The following PRKCA variants were observed in gnomAD, a reference collection of about 807,000 sequenced individuals.
The protein encoded by PRKCA is protein kinase C alpha, also known as protein kinase C alpha type.
In PRKCA, 27 loss-of-function variants were observed where a neutral mutation model predicts 87.0. The ratio of observed to expected loss-of-function variants is 0.31; its 90% CI spans 0.23 to 0.43. The LOEUF is 0.43. Among genes scored for constraint, PRKCA ranks in the 20% least tolerant of loss-of-function variants. PRKCA has a pLI of 1.00. For synonymous variants in PRKCA, 329 were observed against 311.1 expected (o/e 1.06, Z -0.61); for missense variants, 518 against 852.3 (o/e 0.61, Z 4.88).
At chr17:66,641,035 G>GTA in intron 3 of PRKCA, 1 of 312,352 alleles carries the variant, frequency 3.2e-6, no homozygotes, top group South Asian at 3.1e-5. Context: ...GTGGATGCCT[G>GTA]TAATCCCAGT....
intron 3 of PRKCA, among the ~76,000 whole-genome samples, chr17:66,562,941 T>C (rs1490794082): frequency 1.3e-5 from 2 of 152,194 alleles, no homozygotes; most frequent in Non-Finnish European, 2.9e-5. Context: ...TATTATTATT[T>C]GGAAGGGAAT....
intron 3 of PRKCA, among the ~76,000 whole-genome samples, chr17:66,577,626 GCT>G (rs1969280251): frequency 1.3e-5 from 2 of 152,176 alleles, no homozygotes; most frequent in African/African-American, 2.4e-5. Context: ...TTGGAGATCT[GCT>G]CTGTTTCTAG....
intron 8 of PRKCA, among the ~76,000 whole-genome samples, chr17:66,723,662 AG>A (rs1401136988): frequency 6.6e-6 from 1 of 151,324 alleles, no homozygotes; most frequent in East Asian, 1.9e-4. Flanking sequence ...GATGACGACC[AG>A]GGTGGAGGGA....
At chr17:66,544,679 A>G (rs1053971849) in intron 3 of PRKCA, among the ~76,000 whole-genome samples, 4 of 151,812 alleles carry the variant, frequency 2.6e-5, no homozygotes, top group African/African-American at 7.3e-5. Context: ...TGCAACCTCC[A>G]CCTCCCAGGT....
chr17:66,701,980 T>TA (rs1470330533), intron 8 of PRKCA, among the ~76,000 whole-genome samples: 2 of 152,052 alleles, frequency 1.3e-5, no homozygotes, highest in African/African-American at 2.4e-5. Flanking sequence ...CCAAAGGAAA[T>TA]AAAAATCACT....
intron 4 of PRKCA, among the ~76,000 whole-genome samples, chr17:66,643,672 G>A (rs1324587868): frequency 2.0e-5 from 3 of 152,156 alleles, no homozygotes; most frequent in African/African-American, 7.2e-5. Flanking sequence ...TAAGGCTTCT[G>A]TGGCTGCCGC....
chr17:66,321,790 C>T (rs546600844), intron 2 of PRKCA, among the ~76,000 whole-genome samples: 32 of 152,196 alleles, frequency 2.1e-4, no homozygotes, highest in African/African-American at 5.3e-4. Flanking sequence ...GTGATCCACC[C>T]GCCTCAGCCT....
At chr17:66,606,192 A>G (rs1970204578) in intron 3 of PRKCA, among the ~76,000 whole-genome samples, 1 of 152,156 alleles carries the variant, frequency 6.6e-6, no homozygotes, top group Non-Finnish European at 1.5e-5. Context: ...GATCCAGACC[A>G]TCCTGGCCAA....
chr17:66,753,915 T>G (rs77894347), intron 13 of PRKCA, among the ~76,000 whole-genome samples: 2,597 of 152,238 alleles, frequency 0.017, 37 homozygotes, highest in Admixed American at 0.036. Context: ...TTTCTGTTGT[T>G]TAAGCCACCC....
intron 8 of PRKCA, among the ~76,000 whole-genome samples, chr17:66,697,779 C>G (rs1436102772): frequency 6.6e-6 from 1 of 152,104 alleles, no homozygotes; most frequent in African/African-American, 2.4e-5. Flanking sequence ...TCTACTGTTC[C>G]CAAACTCTAC....
intron 2 of PRKCA, among the ~76,000 whole-genome samples, chr17:66,404,950 A>T (rs555407395): frequency 6.6e-6 from 1 of 151,762 alleles, no homozygotes; most frequent in South Asian, 2.1e-4. Context: ...GGGTTTCACC[A>T]TGTTGGCCAG....
At chr17:66,770,857 A>G (rs114511801) in intron 13 of PRKCA, among the ~76,000 whole-genome samples, 1,744 of 152,280 alleles carry the variant, frequency 0.011, 28 homozygotes, top group African/African-American at 0.039. Flanking sequence ...GTTCCTTGCC[A>G]AAGGCTGGGC....
rs922494810 is a variant in PRKCA, at chr17:66,533,442, C to T, written c.288+37159C>T. Among the ~76,000 whole-genome samples, 4 of 152,240 alleles carry T rather than the reference C, an allele frequency of 2.6e-5. No individual in the cohort carries two copies. In the East Asian group the frequency reaches 7.7e-4, roughly 29 times the overall value. On this transcript the variant is annotated intron_variant, in intron 3 of 16. Transcript: ENST00000413366. ...CTGTCCTGACCCCCCTGGTTTGCCT[C>T]AGAATAATTATTAAGGGCATGTGTC...
intron 8 of PRKCA, among the ~76,000 whole-genome samples, chr17:66,725,110 G>T (rs1470455564): frequency 2.0e-5 from 3 of 152,132 alleles, no homozygotes; most frequent in Non-Finnish European, 4.4e-5. Flanking sequence ...TCTGGGGAGG[G>T]TCATCATGTG....
intron 3 of PRKCA, among the ~76,000 whole-genome samples, chr17:66,498,211 G>C (rs1916569154): frequency 7.2e-6 from 1 of 138,304 alleles, no homozygotes; most frequent in Non-Finnish European, 1.5e-5. Flanking sequence ...GTCTTCCTTT[G>C]GGGCATTTTA....
chr17:66,581,895 G>A (rs976172078), intron 3 of PRKCA, among the ~76,000 whole-genome samples: 4 of 152,148 alleles, frequency 2.6e-5, no homozygotes, highest in Admixed American at 6.6e-5. Flanking sequence ...TCCTTTTGCC[G>A]TGTCTCTTTG....
intron 13 of PRKCA, among the ~76,000 whole-genome samples, chr17:66,770,604 G>A (rs180938490): frequency 3.8e-4 from 58 of 152,298 alleles, no homozygotes; most frequent in African/African-American, 1.3e-3. Flanking sequence ...AGACTTAAAC[G>A]TAGTCCTAAA....
intron 3 of PRKCA, among the ~76,000 whole-genome samples, chr17:66,571,263 T>G (rs1969071498): frequency 6.6e-6 from 1 of 152,264 alleles, no homozygotes; most frequent in African/African-American, 2.4e-5. Context: ...TTCTGTGTTT[T>G]CACATTATTA....
chr17:66,752,716 A>G (rs192674384), intron 13 of PRKCA, among the ~76,000 whole-genome samples: 1 of 152,320 alleles, frequency 6.6e-6, no homozygotes, highest in East Asian at 1.9e-4. Flanking sequence ...TGGAGGGCCC[A>G]AGGTATCTTC....
Sources: allele counts gnomAD v4.1 joint callset (sites outside exome capture counted in the v4.1 genomes callset), GRCh38; gene constraint gnomAD v4.1.1; transcripts MANE v1.5; gene names NCBI Gene and HGNC (gene_info 2026-07-23, HGNC 2026-07-21).